FER: variants seen among roughly 807,000 people sequenced by gnomAD.
The protein encoded by FER is tyrosine-protein kinase Fer.
FER carries 63 observed loss-of-function variants against 111.0 expected under a neutral mutation model. The ratio of observed to expected loss-of-function variants is 0.57; its 90% confidence interval spans 0.46 to 0.70. FER has a LOEUF of 0.70. Ranked by LOEUF, FER falls within the 30% of genes least tolerant of loss-of-function variation. The pLI is 0.00. For missense variants in FER, 914 were observed against 954.0 expected (o/e 0.96, Z 0.55); for synonymous variants, 327 against 313.9 (o/e 1.04, Z -0.44).
intron 5 of FER, among the ~76,000 whole-genome samples, chr5:108,840,321 G>T (rs926665033): frequency 2.2e-4 from 34 of 152,032 alleles, no homozygotes; most frequent in African/African-American, 7.0e-4. Flanking sequence ...AAAAGTAATA[G>T]CTATTTTCAC....
intron 9 of FER, among the ~76,000 whole-genome samples, chr5:108,888,908 T>C (rs778524125): frequency 1.3e-4 from 19 of 151,986 alleles, no homozygotes; most frequent in Admixed American, 3.3e-4. Context: ...TCATTATCCT[T>C]AAAAACCACT....
At chr5:109,157,911 A>G (rs978218976) in intron 17 of FER, among the ~76,000 whole-genome samples, 2 of 152,162 alleles carry the variant, frequency 1.3e-5, no homozygotes, top group African/African-American at 4.8e-5. Context: ...AGACAAAGCT[A>G]TGATTACTAT....
chr5:109,110,027 G>T (rs141333940), intron 17 of FER, among the ~76,000 whole-genome samples: 1 of 152,036 alleles, frequency 6.6e-6, no homozygotes, highest in Non-Finnish European at 1.5e-5. Flanking sequence ...AGTTAAAGGC[G>T]GGCTGTCTCT....
chr5:108,791,294 G>C (rs1345262581), intron 2 of FER, among the ~76,000 whole-genome samples: 1 of 141,744 alleles, frequency 7.1e-6, no homozygotes, highest in Admixed American at 6.9e-5. Flanking sequence ...TCTCTTCAGT[G>C]CTAAACTACA....
At chr5:109,176,077 A>G (rs1757658820) in intron 17 of FER, among the ~76,000 whole-genome samples, 1 of 152,128 alleles carries the variant, frequency 6.6e-6, no homozygotes, top group Admixed American at 6.5e-5. Context: ...AAATTAATAT[A>G]TATATTATGG....
intron 1 of FER, among the ~76,000 whole-genome samples, chr5:108,766,886 A>G (rs1752378150): frequency 6.6e-6 from 1 of 152,226 alleles, no homozygotes. Context: ...TGTAAACTAC[A>G]TATATTGACC....
At chr5:108,889,556 G>A (rs1231644792) in intron 9 of FER, among the ~76,000 whole-genome samples, 1 of 151,904 alleles carries the variant, frequency 6.6e-6, no homozygotes, top group Non-Finnish European at 1.5e-5. Flanking sequence ...GCTGGGAAGG[G>A]TAGTGGGAAG....
intron 16 of FER, among the ~76,000 whole-genome samples, chr5:109,084,061 A>G (rs1352033336): frequency 6.6e-6 from 1 of 151,988 alleles, no homozygotes; most frequent in Non-Finnish European, 1.5e-5. Flanking sequence ...AATTATCACA[A>G]AGTGTTTACA....
chr5:108,803,209 T>A (rs771545006), intron 3 of FER, among the ~76,000 whole-genome samples: 2 of 152,018 alleles, frequency 1.3e-5, no homozygotes, highest in Non-Finnish European at 2.9e-5. Flanking sequence ...GATGATTTGT[T>A]TAAGTTCTGT....
At chr5:109,051,570 A>G (rs1772833715) in intron 16 of FER, 5 of 1,609,916 alleles carry the variant, frequency 3.1e-6, no homozygotes, top group Non-Finnish European at 2.6e-6. Context: ...AATTGCGGCA[A>G]GAAGAATTGT....
intron 17 of FER, among the ~76,000 whole-genome samples, chr5:109,146,350 G>T (rs1287133376): frequency 7.2e-6 from 1 of 138,506 alleles, no homozygotes; most frequent in Non-Finnish European, 1.5e-5. Flanking sequence ...GGAGAACCAG[G>T]TCCAGCTCTT....
chr5:109,160,099 T>C (rs1264325233), intron 17 of FER, among the ~76,000 whole-genome samples: 1 of 152,220 alleles, frequency 6.6e-6, no homozygotes, highest in Admixed American at 6.5e-5. Context: ...ATGTCATTCA[T>C]GCTTACTACA....
At chr5:108,812,886 A>G (rs1757909176) in intron 3 of FER, among the ~76,000 whole-genome samples, 1 of 151,162 alleles carries the variant, frequency 6.6e-6, no homozygotes, top group Admixed American at 6.6e-5. Flanking sequence ...TATTATTGTT[A>G]CAGCTTTTAA....
intron 10 of FER, among the ~76,000 whole-genome samples, chr5:108,926,772 G>A (rs1460221478): frequency 6.6e-6 from 1 of 152,144 alleles, no homozygotes; most frequent in African/African-American, 2.4e-5. Context: ...GGAAGCCTTT[G>A]TATTCTCATG....
chr5:108,996,106 A>G (rs890923344), intron 13 of FER, among the ~76,000 whole-genome samples: 1 of 151,880 alleles, frequency 6.6e-6, no homozygotes, highest in South Asian at 2.1e-4. Flanking sequence ...CACTTTTTGA[A>G]GGAGTTGTTT....
chr5:109,017,997 T>G (rs1211717794), intron 13 of FER, among the ~76,000 whole-genome samples: 3 of 151,904 alleles, frequency 2.0e-5, no homozygotes, highest in African/African-American at 7.2e-5. Context: ...CCCTATTTTC[T>G]AACATCTTAC....
chr5:109,159,637 T>C (rs1755788054), intron 17 of FER, among the ~76,000 whole-genome samples: 1 of 152,204 alleles, frequency 6.6e-6, no homozygotes, highest in Non-Finnish European at 1.5e-5. Context: ...AGGACTTCTT[T>C]AAACACTGTC....
chr5:109,100,291 T>C (rs1298036280), intron 16 of FER, 105 bp from the exon 17 acceptor site: 2 of 1,356,026 alleles, frequency 1.5e-6, no homozygotes, highest in African/African-American at 2.9e-5. Flanking sequence ...TGGCCAAATG[T>C]GTAATGCATT....
chr5:109,058,766 T>A (rs924965152), intron 16 of FER, among the ~76,000 whole-genome samples: 9 of 132,728 alleles, frequency 6.8e-5, no homozygotes, highest in Non-Finnish European at 1.2e-4. Flanking sequence ...GGAGTCTAGC[T>A]CTGTCTCCCA....
Sources: gnomAD v4.1 joint callset for allele counts (sites outside exome capture counted in the v4.1 genomes callset) on GRCh38, gnomAD v4.1.1 for gene constraint, MANE v1.5 for transcripts, NCBI Gene and HGNC (gene_info 2026-07-23, HGNC 2026-07-21) for gene names.